The following NAA60 variants were observed in gnomAD, a reference collection of about 807,000 sequenced individuals.
NAA60 encodes N-alpha-acetyltransferase 60.
A neutral mutation model predicts 26.1 loss-of-function variants in NAA60; 8 were observed. The ratio of observed to expected loss-of-function variants is 0.31; its 90% CI spans 0.18 to 0.55. The LOEUF (loss-of-function observed/expected upper bound fraction) is 0.55, where lower values mean the gene tolerates loss of function less well. NAA60 is among the 20% of genes least tolerant of loss of function. NAA60 has a pLI of 0.93. For missense variants in NAA60, 290 were observed against 311.3 expected, an observed-to-expected ratio of 0.93 and a Z score of 0.51; for synonymous variants, 131 against 122.5, an observed-to-expected ratio of 1.07 and a Z score of -0.46.
intron 2 of NAA60, among the ~76,000 whole-genome samples, chr16:3,472,730 G>T (rs1353803026): frequency 6.6e-6 from 1 of 152,174 alleles, no homozygotes; most frequent in Non-Finnish European, 1.5e-5. Flanking sequence ...ACCGCTCCTG[G>T]CCCTGGTTGG....
intron 2 of NAA60, chr16:3,457,922 GCCCGCTCCCAAC>G: frequency 1.1e-6 from 1 of 948,262 alleles, no homozygotes; most frequent in Non-Finnish European, 1.3e-6. Context: ...CTCCCAACCT[GCCCGCTCCCAAC>G]ATGGCGGCAG....
chr16:3,470,588 CTGCAGGCACGGA>C (rs1420429095), intron 2 of NAA60, among the ~76,000 whole-genome samples: 1 of 151,800 alleles, frequency 6.6e-6, no homozygotes, highest in African/African-American at 2.4e-5. Context: ...CCTGCTGTGA[CTGCAGGCACGGA>C]TACACTGGGG....
intron 2 of NAA60, among the ~76,000 whole-genome samples, chr16:3,460,650 C>G (rs768770660): frequency 3.4e-4 from 51 of 152,234 alleles, no homozygotes; most frequent in Non-Finnish European, 6.8e-4. Flanking sequence ...CAGGCGTGAG[C>G]CATTGCATCC....
intron 4 of NAA60, among the ~76,000 whole-genome samples, chr16:3,479,850 G>T (rs117105295): frequency 6.6e-6 from 1 of 152,310 alleles, no homozygotes; most frequent in East Asian, 1.9e-4. Flanking sequence ...TTCTGAAGCA[G>T]GCATGAGCGC....
At chr16:3,479,063 C>T (rs561035763) in intron 3 of NAA60, among the ~76,000 whole-genome samples, 1 of 152,000 alleles carries the variant, frequency 6.6e-6, no homozygotes. Flanking sequence ...TGGAGAAACC[C>T]CATCTCTACT....
At chr16:3,459,142 A>T (rs957592575) in intron 2 of NAA60, among the ~76,000 whole-genome samples, 1 of 152,246 alleles carries the variant, frequency 6.6e-6, no homozygotes, top group African/African-American at 2.4e-5. Flanking sequence ...AGTGGTAATC[A>T]GAGTGCCAGA....
rs1439431419 is a variant in NAA60 at position 3,480,673 on chromosome 16, T to TTTGGGAGGCCCAG, written c.240+1078_240+1079insAGGCCCAGTTGGG. Among the ~76,000 whole-genome samples the TTTGGGAGGCCCAG allele has an allele frequency of 2.9e-5, 3 of 103,196 alleles. No homozygotes were observed. The Admixed American group carries it at 3.0e-4, about 10-fold the overall frequency. The allele number at this position is 103,196 out of a possible 152,430, so 67.7% of individuals were successfully genotyped here. A position where few individuals can be genotyped will look rare whatever the true frequency, so the allele number is the denominator to read the frequency against. The stretch of plus-strand genomic sequence containing the variant: ...TGGCTCACACCTATAACCCCGGCAT[T>TTTGGGAGGCCCAG]TTGGGCAGATCACGAGGTCAGGAGT... On this transcript the variant is annotated intron_variant, in intron 4 of 7. Coordinates refer to ENST00000407558, the MANE Select transcript of NAA60 (RefSeq NM_001083601.3).
intron 3 of NAA60, among the ~76,000 whole-genome samples, chr16:3,477,324 A>G (rs751628638): frequency 3.9e-5 from 6 of 152,184 alleles, no homozygotes; most frequent in Non-Finnish European, 8.8e-5. Context: ...AGTTGACACA[A>G]ACTTTGAAAA....
intron 4 of NAA60, among the ~76,000 whole-genome samples, chr16:3,481,150 C>A (rs2036804096): frequency 6.6e-6 from 1 of 151,946 alleles, no homozygotes; most frequent in South Asian, 2.1e-4. Flanking sequence ...GAAACGGAGT[C>A]TCACTATCAC....
At position 3,484,772 on chromosome 16, in the gene NAA60, C is replaced by A. The variant is rs2037066641; in HGVS notation, c.646C>A (p.Gln216Lys). 4 of 1,590,104 alleles carry A rather than the reference C, an allele frequency of 2.5e-6. No homozygotes were observed. The highest frequency in any genetic ancestry group is 2.3e-5 in the East Asian group (1 of 43,190). The change falls in exon 7 of 8, where the codon CAG (glutamine) becomes AAG (lysine). Residue 216 changes from glutamine (Q) to lysine (K), a missense_variant. Gln to Lys is a moderately conservative substitution (Grantham distance 53). Transcript: ENST00000407558. ...PCSIPHRVYR[Q>K]AHSLLCSFLP... ...CTCCATTCCGCACAGAGTCTACCGCCAGGCCCACAGCCTGCTCTGCAGCTT... is the reference window on the plus strand; with the variant it reads ...CTCCATTCCGCACAGAGTCTACCGCAAGGCCCACAGCCTGCTCTGCAGCTT...
chr16:3,456,423 G>T (rs1476225260), intron 2 of NAA60, among the ~76,000 whole-genome samples: 1 of 151,848 alleles, frequency 6.6e-6, no homozygotes, highest in Non-Finnish European at 1.5e-5. Context: ...GGGAGAGGAA[G>T]TACAGAGCGA....
rs536236479 is a variant in NAA60, at chr16:3,452,170, G to A, written c.-7+3630G>A. On this transcript the variant is annotated intron_variant, in intron 2 of 7. Transcript: ENST00000407558. ...TGACGCTGCAGTAAGCCGTGATCAC[G>A]CCACTTTACTCCAACTTGGATGACA... Among the ~76,000 whole-genome samples the A allele has an allele frequency of 2.9e-3, 446 of 152,102 alleles. 1 individual carries two copies. Among genetic ancestry groups the A allele is most frequent in the Admixed American group, 3.6e-3 (55 of 15,268 alleles).
chr16:3,477,193 T>G (rs2036537848), intron 3 of NAA60, among the ~76,000 whole-genome samples: 1 of 152,166 alleles, frequency 6.6e-6, no homozygotes, highest in Non-Finnish European at 1.5e-5. Flanking sequence ...TACAAGGGGG[T>G]ATGTACCATT....
At chr16:3,466,140 A>G (rs935022458) in intron 2 of NAA60, among the ~76,000 whole-genome samples, 20 of 152,068 alleles carry the variant, frequency 1.3e-4, no homozygotes, top group African/African-American at 4.1e-4. Context: ...CGCCTTCACC[A>G]CTCTGGGTGC....
intron 6 of NAA60, 134 bp downstream of exon 6, chr16:3,483,731 A>G (rs1596364250): frequency 2.9e-6 from 2 of 694,012 alleles, no homozygotes; most frequent in East Asian, 5.4e-5. Context: ...TCTCTCCCTT[A>G]CCTGATCGTG....
intron 2 of NAA60, among the ~76,000 whole-genome samples, chr16:3,450,949 C>T (rs959092366): frequency 6.6e-6 from 1 of 152,140 alleles, no homozygotes; most frequent in African/African-American, 2.4e-5. Context: ...ACAGTACAAG[C>T]ATTGTAAGTT....
intron 3 of NAA60, among the ~76,000 whole-genome samples, chr16:3,477,391 A>G (rs2036546972): frequency 6.6e-6 from 1 of 152,248 alleles, no homozygotes; most frequent in Non-Finnish European, 1.5e-5. Context: ...TTCACCTCAG[A>G]CTGACTGAAC....
intron 2 of NAA60, among the ~76,000 whole-genome samples, chr16:3,452,052 A>G (rs969552497): frequency 2.0e-5 from 3 of 151,980 alleles, no homozygotes; most frequent in Admixed American, 6.6e-5. Flanking sequence ...TGCCTCTACA[A>G]AAAATAAAAA....
chr16:3,474,416 C>G (rs1567388988), intron 2 of NAA60, among the ~76,000 whole-genome samples: 1 of 152,216 alleles, frequency 6.6e-6, no homozygotes, highest in Non-Finnish European at 1.5e-5. Flanking sequence ...GGGGAGGGGC[C>G]TAGCTATCTC....
Sources: gnomAD v4.1 joint callset for allele counts (sites outside exome capture counted in the v4.1 genomes callset) on GRCh38, gnomAD v4.1.1 for gene constraint, MANE v1.5 for transcripts, NCBI Gene and HGNC (gene_info 2026-07-23, HGNC 2026-07-21) for gene names.